Variants in GRM8 observed in about 807,000 individuals in gnomAD.
GRM8 encodes metabotropic glutamate receptor 8.
Under a neutral mutation model 87.2 loss-of-function variants are expected in GRM8, and 47 were observed. The ratio of observed to expected loss-of-function variants is 0.54; its 90% confidence interval spans 0.43 to 0.69. The LOEUF (loss-of-function observed/expected upper bound fraction) is 0.69. GRM8 is among the 30% of genes least tolerant of loss of function. The pLI, the probability that GRM8 is intolerant of heterozygous loss-of-function variation, is 0.00. For synonymous variants in GRM8, 396 were observed against 404.5 expected, an observed-to-expected ratio of 0.98 and a Z score of 0.25; for missense variants, 1,019 against 1,139.2, an observed-to-expected ratio of 0.89 and a Z score of 1.52.
intron 3 of GRM8, among the ~76,000 whole-genome samples, chr7:127,033,197 TCTATAGAC>T (rs1817545713): frequency 1.3e-5 from 2 of 152,064 alleles, no homozygotes; most frequent in South Asian, 4.1e-4. Context: ...ATTCTTTTGA[TCTATAGAC>T]CTACGTAACA....
At chr7:126,748,338 A>G (rs920471467) in intron 7 of GRM8, among the ~76,000 whole-genome samples, 1 of 152,126 alleles carries the variant, frequency 6.6e-6, no homozygotes, top group African/African-American at 2.4e-5. Context: ...TACAAAAATA[A>G]GTTTTTCCAT....
chr7:127,020,387 G>C (rs1054252016), intron 3 of GRM8, among the ~76,000 whole-genome samples: 1 of 151,984 alleles, frequency 6.6e-6, no homozygotes, highest in African/African-American at 2.4e-5. Flanking sequence ...ATTCACAGCT[G>C]TCCATCTCCC....
intron 6 of GRM8, among the ~76,000 whole-genome samples, chr7:126,837,066 A>AT (rs11387694): frequency 0.69 from 104,636 of 151,394 alleles, 36,491 homozygotes; most frequent in African/African-American, 0.79. Flanking sequence ...TTAAGACATT[A>AT]TTTTTTTTTC....
At chr7:126,469,051 T>C (rs2150548296) in intron 9 of GRM8, among the ~76,000 whole-genome samples, 2 of 152,262 alleles carry the variant, frequency 1.3e-5, no homozygotes, top group Middle Eastern at 3.4e-3. Flanking sequence ...CAGCATTTAT[T>C]GTTGTTAGTA....
intron 3 of GRM8, among the ~76,000 whole-genome samples, chr7:126,924,448 A>ATCCAGATAC (rs1171942391): frequency 6.6e-6 from 1 of 152,150 alleles, no homozygotes; most frequent in African/African-American, 2.4e-5. Flanking sequence ...GATCTCATGG[A>ATCCAGATAC]TGTCCCAGAT....
chr7:127,062,141 CA>C (rs5887324), intron 3 of GRM8, among the ~76,000 whole-genome samples: 79,020 of 134,678 alleles, frequency 0.59, 22,498 homozygotes, highest in Middle Eastern at 0.68. Context: ...AAGACTCCAT[CA>C]AAAAAAAAAA....
At chr7:126,723,855 G>A (rs1050516547) in intron 7 of GRM8, among the ~76,000 whole-genome samples, 16 of 152,082 alleles carry the variant, frequency 1.1e-4, no homozygotes, top group African/African-American at 3.9e-4. Context: ...AGAATTTTAG[G>A]TCAAGGTAAA....
intron 9 of GRM8, among the ~76,000 whole-genome samples, chr7:126,517,014 A>G (rs1332910160): frequency 6.6e-6 from 1 of 152,078 alleles, no homozygotes; most frequent in East Asian, 1.9e-4. Flanking sequence ...ACTTAGTCAT[A>G]TTACGGTCAT....
At chr7:126,963,396 G>A (rs916681596) in intron 3 of GRM8, among the ~76,000 whole-genome samples, 6 of 151,940 alleles carry the variant, frequency 3.9e-5, no homozygotes, top group Non-Finnish European at 8.8e-5. Context: ...TAACTAGAAA[G>A]AGATGACATG....
At chr7:126,605,937 CTG>C (rs1352553481) in intron 8 of GRM8, among the ~76,000 whole-genome samples, 1 of 152,182 alleles carries the variant, frequency 6.6e-6, no homozygotes, top group African/African-American at 2.4e-5. Context: ...TCCTTCTAAT[CTG>C]TGAGTTCCCT....
chr7:127,010,934 AAG>A (rs1362216893), intron 3 of GRM8, among the ~76,000 whole-genome samples: 1 of 152,110 alleles, frequency 6.6e-6, no homozygotes, highest in South Asian at 2.1e-4. Context: ...AAGGAGGGAG[AAG>A]AGGAAGAGAA....
chr7:126,776,230 A>G (rs1210578394), intron 6 of GRM8, among the ~76,000 whole-genome samples: 1 of 152,166 alleles, frequency 6.6e-6, no homozygotes, highest in African/African-American at 2.4e-5. Flanking sequence ...GAGGCAGGTT[A>G]TGCAGAAAGT....
At chr7:127,178,118 G>A (rs1163800606) in intron 2 of GRM8, among the ~76,000 whole-genome samples, 1 of 151,936 alleles carries the variant, frequency 6.6e-6, no homozygotes, top group Admixed American at 6.6e-5. Flanking sequence ...AGAACTGAAG[G>A]GAAAATTATT....
At chr7:127,005,402 C>T (rs912846209) in intron 3 of GRM8, among the ~76,000 whole-genome samples, 1 of 151,364 alleles carries the variant, frequency 6.6e-6, no homozygotes, top group Non-Finnish European at 1.5e-5. Flanking sequence ...TTGCTTTGTT[C>T]CAGACAATAT....
chr7:127,065,429 C>T (rs1205787518), intron 3 of GRM8, among the ~76,000 whole-genome samples: 1 of 152,150 alleles, frequency 6.6e-6, no homozygotes, highest in African/African-American at 2.4e-5. Context: ...GGGCTTAAAA[C>T]CTGGGTGATG....
intron 3 of GRM8, among the ~76,000 whole-genome samples, chr7:127,042,651 A>T (rs903589004): frequency 4.6e-5 from 7 of 152,256 alleles, no homozygotes; most frequent in Non-Finnish European, 1.0e-4. Context: ...ACCTAAAACC[A>T]TAAAAACCCT....
intron 7 of GRM8, among the ~76,000 whole-genome samples, chr7:126,737,149 C>T (rs541593939): frequency 1.2e-4 from 18 of 152,066 alleles, no homozygotes; most frequent in Admixed American, 1.3e-4. Flanking sequence ...TACAAGATTC[C>T]GACCCTCCCC....
intron 3 of GRM8, among the ~76,000 whole-genome samples, chr7:127,090,471 T>C (rs145144782): frequency 2.4e-3 from 366 of 152,316 alleles, no homozygotes; most frequent in Non-Finnish European, 3.8e-3. Context: ...AGGAATAATA[T>C]ATTCATCAGA....
intron 7 of GRM8, among the ~76,000 whole-genome samples, chr7:126,698,943 T>G (rs1329840354): frequency 6.6e-6 from 1 of 152,232 alleles, no homozygotes; most frequent in East Asian, 1.9e-4. Context: ...ACCTGGCTTT[T>G]AAAACCATCA....
Sources: allele counts gnomAD v4.1 joint callset (sites outside exome capture counted in the v4.1 genomes callset), GRCh38; gene constraint gnomAD v4.1.1; transcripts MANE v1.5; gene names NCBI Gene and HGNC (gene_info 2026-07-23, HGNC 2026-07-21).